Variants in RGS7 observed in about 807,000 individuals in gnomAD.
The protein encoded by RGS7 is regulator of G protein signaling 7, also known as regulator of G-protein signaling 7.
In RGS7, 27 loss-of-function variants were observed where a neutral mutation model predicts 81.1. The observed-to-expected ratio is 0.33, with a 90% CI of 0.25 to 0.46. The LOEUF (loss-of-function observed/expected upper bound fraction) is 0.46, where lower values mean the gene tolerates loss of function less well. RGS7 is among the 20% of genes least tolerant of loss of function. The pLI, the probability that RGS7 is intolerant of heterozygous loss-of-function variation, is 1.00. For missense variants in RGS7, 396 were observed against 607.4 expected (o/e 0.65, Z 3.66); for synonymous variants, 208 against 207.7 (o/e 1.00, Z -0.01).
intron 2 of RGS7, among the ~76,000 whole-genome samples, chr1:241,229,003 C>A (rs1437496084): frequency 6.6e-6 from 1 of 150,624 alleles, no homozygotes; most frequent in Non-Finnish European, 1.5e-5. Context: ...AAATAGGAAA[C>A]CTCTGCACTA....
intron 2 of RGS7, among the ~76,000 whole-genome samples, chr1:241,237,168 T>A (rs2076024603): frequency 6.6e-6 from 1 of 152,188 alleles, no homozygotes; most frequent in Non-Finnish European, 1.5e-5. Flanking sequence ...CTTAATGACT[T>A]TTTGCCATAT....
intron 2 of RGS7, among the ~76,000 whole-genome samples, chr1:241,150,637 T>C (rs1279127577): frequency 6.6e-6 from 1 of 152,186 alleles, no homozygotes; most frequent in Non-Finnish European, 1.5e-5. Flanking sequence ...ATGTAGCCCC[T>C]GGGGTTTGGA....
chr1:241,221,773 G>T (rs1327856616), intron 2 of RGS7, among the ~76,000 whole-genome samples: 1 of 152,210 alleles, frequency 6.6e-6, no homozygotes, highest in Non-Finnish European at 1.5e-5. Context: ...CTTCGAACTT[G>T]AATGGAAACA....
intron 6 of RGS7, among the ~76,000 whole-genome samples, chr1:240,887,913 C>T (rs1001555403): frequency 6.6e-6 from 1 of 152,160 alleles, no homozygotes; most frequent in Non-Finnish European, 1.5e-5. Context: ...CAGCTGATCA[C>T]TATTTTCTAT....
intron 3 of RGS7, among the ~76,000 whole-genome samples, chr1:241,018,713 G>A (rs927284755): frequency 6.6e-6 from 1 of 152,002 alleles, no homozygotes; most frequent in Non-Finnish European, 1.5e-5. Flanking sequence ...TTTTCTTGGG[G>A]CTGTGGCCTT....
chr1:241,188,520 A>T (rs1490744354), intron 2 of RGS7, among the ~76,000 whole-genome samples: 1 of 152,160 alleles, frequency 6.6e-6, no homozygotes, highest in African/African-American at 2.4e-5. Flanking sequence ...TAATAGAAAA[A>T]ATATATTTTT....
chr1:241,252,446 C>G (rs568749712), intron 2 of RGS7, among the ~76,000 whole-genome samples: 15 of 152,314 alleles, frequency 9.8e-5, no homozygotes, highest in African/African-American at 3.6e-4. Flanking sequence ...ACTCACCTTG[C>G]CCCTGAGCTG....
intron 3 of RGS7, among the ~76,000 whole-genome samples, chr1:241,003,400 G>A (rs1470467522): frequency 1.3e-5 from 2 of 148,244 alleles, no homozygotes; most frequent in East Asian, 4.1e-4. Flanking sequence ...GGCAGAGCTT[G>A]CAGTGAACCG....
At chr1:240,854,923 T>C (rs936165481) in intron 9 of RGS7, among the ~76,000 whole-genome samples, 1 of 152,174 alleles carries the variant, frequency 6.6e-6, no homozygotes, top group African/African-American at 2.4e-5. Context: ...ACTCTGTGTG[T>C]TCTGACTATT....
chr1:241,025,363 G>A (rs959777617), intron 3 of RGS7, among the ~76,000 whole-genome samples: 1 of 152,132 alleles, frequency 6.6e-6, no homozygotes, highest in African/African-American at 2.4e-5. Flanking sequence ...TATGTATTAG[G>A]CATTTTAATC....
chr1:241,208,316 G>A (rs192990349), intron 2 of RGS7, among the ~76,000 whole-genome samples: 26 of 152,248 alleles, frequency 1.7e-4, no homozygotes, highest in African/African-American at 5.1e-4. Context: ...ACGCCCTGAC[G>A]ATAGGGTTGG....
intron 18 of RGS7, among the ~76,000 whole-genome samples, chr1:240,794,822 AGTTTTATAC>A (rs58383742): frequency 0.53 from 79,813 of 151,418 alleles, 23,346 homozygotes; most frequent in Non-Finnish European, 0.66. Flanking sequence ...CCCAGATTAT[AGTTTTATAC>A]GTTTTATAGG....
rs2079313596 is a variant in RGS7 at position 241,294,952 on chromosome 1, G to A, written c.78+60747C>T. 3.9e-5 allele frequency among the ~76,000 whole-genome samples: 6 copies of A among 152,158 alleles called. No homozygotes were observed. In the South Asian group the frequency reaches 8.3e-4, roughly 21 times the overall value. On this transcript the variant is annotated intron_variant, in intron 2 of 18. Transcript: ENST00000440928. ...GAGAGAAGAGAAATCACCTATAGGT[G>A]CACTTCTCAGAACATACTCTGGTTT... is the stretch of plus-strand genomic sequence containing the variant.
At chr1:240,870,636 T>C (rs965900837) in intron 6 of RGS7, among the ~76,000 whole-genome samples, 1 of 152,174 alleles carries the variant, frequency 6.6e-6, no homozygotes, top group Non-Finnish European at 1.5e-5. Flanking sequence ...GCATGAGACA[T>C]AATCATTTAA....
At chr1:241,251,340 T>G (rs1009397357) in intron 2 of RGS7, among the ~76,000 whole-genome samples, 1 of 151,942 alleles carries the variant, frequency 6.6e-6, no homozygotes, top group African/African-American at 2.4e-5. Context: ...GACAAGAAAC[T>G]CTCCCAAAAT....
rs1692484600 is a variant in RGS7, at chr1:240,824,705, C to A, written c.684+2393G>T. ...GTCATGGACGGAGTTGTGTCCCCTC[C>A]CCTAAATTCTTATGTTGCAGCCCTA... On this transcript the variant is annotated intron_variant, in intron 10 of 18. Coordinates refer to ENST00000440928, the MANE Select transcript of RGS7 (RefSeq NM_001364886.1). 2.0e-5 allele frequency among the ~76,000 whole-genome samples: 3 copies of A among 152,332 alleles called. No individual in the cohort carries two copies. The South Asian group carries it at 6.2e-4, about 32-fold the overall frequency.
At chr1:240,807,945 GA>G (rs1662259259) in intron 14 of RGS7, among the ~76,000 whole-genome samples, 1 of 148,468 alleles carries the variant, frequency 6.7e-6, no homozygotes, top group South Asian at 2.1e-4. Flanking sequence ...TGAGGCACGA[GA>G]ATCGCTTGAA....
intron 3 of RGS7, among the ~76,000 whole-genome samples, chr1:241,067,583 G>T (rs1003625931): frequency 6.6e-6 from 1 of 150,964 alleles, no homozygotes; most frequent in African/African-American, 2.4e-5. Flanking sequence ...GCACTGGCAC[G>T]ATCTCGGCTC....
At chr1:241,027,788 G>A (rs12039662) in intron 3 of RGS7, among the ~76,000 whole-genome samples, 11,444 of 152,134 alleles carry the variant, frequency 0.075, 503 homozygotes, top group Middle Eastern at 0.15. Flanking sequence ...CAAGAATTGG[G>A]TTTTGTGGAA....
Sources: allele counts gnomAD v4.1 joint callset (sites outside exome capture counted in the v4.1 genomes callset), GRCh38; gene constraint gnomAD v4.1.1; transcripts MANE v1.5; gene names NCBI Gene and HGNC (gene_info 2026-07-23, HGNC 2026-07-21).